The following MPPED2 variants were observed in gnomAD, a reference collection of about 807,000 sequenced individuals.
MPPED2 encodes the protein metallophosphoesterase domain containing 2.
A neutral mutation model predicts 33.0 loss-of-function variants in MPPED2; 5 were observed. The observed-to-expected ratio is 0.15, with a 90% confidence interval of 0.08 to 0.32. The LOEUF (loss-of-function observed/expected upper bound fraction) is 0.32, where lower values mean the gene tolerates loss of function less well. MPPED2 is among the 10% of genes least tolerant of loss of function. MPPED2 has a pLI of 1.00. For missense variants in MPPED2, 275 were observed against 372.1 expected (o/e 0.74, Z 2.15); for synonymous variants, 136 against 141.9 (o/e 0.96, Z 0.29).
At chr11:30,479,078 G>A (rs899455996) in intron 4 of MPPED2, among the ~76,000 whole-genome samples, 1 of 152,066 alleles carries the variant, frequency 6.6e-6, no homozygotes, top group East Asian at 1.9e-4. Flanking sequence ...AGAGGGCCTG[G>A]ACAAGAAGCC....
intron 2 of MPPED2, among the ~76,000 whole-genome samples, chr11:30,571,577 G>T (rs567908879): frequency 6.6e-5 from 10 of 152,272 alleles, no homozygotes; most frequent in Non-Finnish European, 1.0e-4. Context: ...GTCTAACCAT[G>T]CTAGGATAGC....
intron 4 of MPPED2, among the ~76,000 whole-genome samples, chr11:30,492,584 AC>A (rs1215480791): frequency 2.6e-5 from 4 of 152,218 alleles, no homozygotes; most frequent in Admixed American, 2.6e-4. Flanking sequence ...CCTGCCCTTT[AC>A]CCAGAAATGC....
At chr11:30,432,950 T>TG (rs1949147806) in intron 4 of MPPED2, among the ~76,000 whole-genome samples, 1 of 152,160 alleles carries the variant, frequency 6.6e-6, no homozygotes, top group African/African-American at 2.4e-5. Flanking sequence ...AATGTGAACG[T>TG]GGAAAAAAGC....
chr11:30,521,328 C>G (rs1386302905), intron 3 of MPPED2, among the ~76,000 whole-genome samples: 2 of 152,198 alleles, frequency 1.3e-5, no homozygotes, highest in Non-Finnish European at 2.9e-5. Flanking sequence ...ATCATCCCCA[C>G]CAGCCCCATT....
intron 2 of MPPED2, among the ~76,000 whole-genome samples, chr11:30,558,680 C>G (rs1956100875): frequency 6.6e-6 from 1 of 151,986 alleles, no homozygotes; most frequent in South Asian, 2.1e-4. Context: ...CGTTGGCCTC[C>G]CAAAGTGCTG....
intron 6 of MPPED2, among the ~76,000 whole-genome samples, chr11:30,401,481 C>A (rs897548081): frequency 6.6e-6 from 1 of 152,202 alleles, no homozygotes; most frequent in Non-Finnish European, 1.5e-5. Flanking sequence ...ACTAAAAGCA[C>A]ATGAAAAGAT....
chr11:30,467,644 C>A (rs1950766482), intron 4 of MPPED2, among the ~76,000 whole-genome samples: 1 of 152,186 alleles, frequency 6.6e-6, no homozygotes, highest in Admixed American at 6.5e-5. Flanking sequence ...CGATCTAATT[C>A]TTTCCCACTC....
chr11:30,473,020 T>A (rs1046875551), intron 4 of MPPED2, among the ~76,000 whole-genome samples: 11 of 152,242 alleles, frequency 7.2e-5, no homozygotes, highest in Non-Finnish European at 1.3e-4. Context: ...TATATATACT[T>A]ATTTTTGGTG....
chr11:30,585,259 C>T (rs1430341876), intron 1 of MPPED2, among the ~76,000 whole-genome samples: 1 of 152,164 alleles, frequency 6.6e-6, no homozygotes, highest in African/African-American at 2.4e-5. Flanking sequence ...CGCCTAGCCT[C>T]GACCCCAGCT....
At chr11:30,391,009 A>G (rs1416126810) in intron 6 of MPPED2, among the ~76,000 whole-genome samples, 2 of 152,232 alleles carry the variant, frequency 1.3e-5, no homozygotes, top group Admixed American at 6.5e-5. Context: ...AGTCCCTGAC[A>G]GGAGAGTGGC....
chr11:30,477,614 C>T (rs1951278670), intron 4 of MPPED2, among the ~76,000 whole-genome samples: 1 of 151,886 alleles, frequency 6.6e-6, no homozygotes, highest in Non-Finnish European at 1.5e-5. Flanking sequence ...ATTTGATTTG[C>T]TAACCTTCCG....
chr11:30,507,412 C>T (rs1952892522), intron 3 of MPPED2, among the ~76,000 whole-genome samples: 1 of 152,164 alleles, frequency 6.6e-6, no homozygotes, highest in Non-Finnish European at 1.5e-5. Context: ...GGGATATTAC[C>T]TTGCACACAC....
intron 4 of MPPED2, among the ~76,000 whole-genome samples, chr11:30,475,626 A>G (rs1590435348): frequency 6.6e-6 from 1 of 152,172 alleles, no homozygotes; most frequent in South Asian, 2.1e-4. Flanking sequence ...ATGTTTTAGT[A>G]TAGTTCATTC....
intron 4 of MPPED2, among the ~76,000 whole-genome samples, chr11:30,470,502 T>C (rs1950903089): frequency 6.6e-6 from 1 of 152,174 alleles, no homozygotes; most frequent in Non-Finnish European, 1.5e-5. Context: ...TTTTATGTGA[T>C]GAAAACATCC....
rs1948092432 is a variant in MPPED2 at position 30,411,318 on chromosome 11, A to G, written c.*150T>C. The G allele has an allele frequency of 1.6e-6, 2 of 1,276,950 alleles. No homozygotes were observed. Among genetic ancestry groups the G allele is most frequent in the African/African-American group, 3.0e-5 (2 of 66,476 alleles). The allele number at this position is 1,276,950 out of a possible 1,614,324, so 79.1% of individuals were successfully genotyped here. A position where few individuals can be genotyped will look rare whatever the true frequency, so the allele number is the denominator to read the frequency against. On this transcript the variant is annotated 3_prime_UTR_variant, in exon 7 of 7. Transcript: ENST00000358117. ...TGCCCCATTTAAAATAAAATAAAATAAGAAGCACAACCTCTAGCATCATTT... is the reference window on the plus strand; with the variant it reads ...TGCCCCATTTAAAATAAAATAAAATGAGAAGCACAACCTCTAGCATCATTT...
chr11:30,572,684 T>C (rs1956755698), intron 2 of MPPED2, among the ~76,000 whole-genome samples: 1 of 152,170 alleles, frequency 6.6e-6, no homozygotes, highest in Non-Finnish European at 1.5e-5. Context: ...AATTTCTACC[T>C]TGTTAGTAAG....
At chr11:30,444,062 T>C (rs7948817) in intron 4 of MPPED2, among the ~76,000 whole-genome samples, 29,933 of 152,124 alleles carry the variant, frequency 0.2, 4,158 homozygotes, top group African/African-American at 0.4. Flanking sequence ...TAAAAGAAAA[T>C]TGACTAAAGC....
At chr11:30,413,356 G>A (rs774809455) in intron 6 of MPPED2, among the ~76,000 whole-genome samples, 13 of 152,274 alleles carry the variant, frequency 8.5e-5, no homozygotes, top group Admixed American at 3.3e-4. Flanking sequence ...ACGTAAACAC[G>A]GCCATTGCAC....
chr11:30,576,881 A>T (rs1428034195), intron 2 of MPPED2, among the ~76,000 whole-genome samples: 1 of 132,334 alleles, frequency 7.6e-6, no homozygotes, highest in Non-Finnish European at 1.5e-5. Flanking sequence ...ATTGCTTTCT[A>T]AAAAAAAAAA....
Sources: allele counts gnomAD v4.1 joint callset (sites outside exome capture counted in the v4.1 genomes callset), GRCh38; gene constraint gnomAD v4.1.1; transcripts MANE v1.5; gene names NCBI Gene and HGNC (gene_info 2026-07-23, HGNC 2026-07-21).